The following PRRT1B variants were observed in gnomAD, a reference collection of about 807,000 sequenced individuals.
The protein encoded by PRRT1B is dispanin subfamily D member 2.
intron 1 of PRRT1B, among the ~76,000 whole-genome samples, chr9:131,546,947 T>C (rs1310394168): frequency 2.0e-5 from 3 of 152,026 alleles, no homozygotes; most frequent in Non-Finnish European, 2.9e-5. Flanking sequence ...CCCACGTTTC[T>C]TGCTGGGAGT....
At chr9:131,550,103 A>G (rs1473628883) in intron 1 of PRRT1B, among the ~76,000 whole-genome samples, 3 of 151,894 alleles carry the variant, frequency 2.0e-5, no homozygotes, top group African/African-American at 7.3e-5. Context: ...GCCTGTTATC[A>G]CTCGCCTGCT....
chr9:131,556,025 A>C (rs2132012575), intron 2 of PRRT1B, 45 bp from the exon 3 acceptor site: 1 of 400,180 alleles, frequency 2.5e-6, no homozygotes, highest in Non-Finnish European at 4.4e-6. Context: ...TCTGTTGTCC[A>C]GAGGCTGGGC....
At chr9:131,558,565 G>A (rs1366593804) in exon 4 of PRRT1B, 1 of 183,506 alleles carries the variant, frequency 5.4e-6, no homozygotes, top group African/African-American at 2.3e-5. Context: ...CCATCGTAGG[G>A]ACCAAAGCCT....
At chr9:131,559,015 G>A (rs1002788305), downstream of PRRT1B, among the ~76,000 whole-genome samples, 8 of 152,202 alleles carry the variant, frequency 5.3e-5, no homozygotes, top group Non-Finnish European at 4.4e-5. Context: ...GGACCGCCCT[G>A]ACTGGGGAGC....
At chr9:131,548,717 T>C (rs557555951) in intron 1 of PRRT1B, among the ~76,000 whole-genome samples, 147 of 152,126 alleles carry the variant, frequency 9.7e-4, no homozygotes, top group African/African-American at 3.4e-3. Flanking sequence ...ACCTCTCCCC[T>C]CCTCCCCAGG....
chr9:131,546,509 G>A lies in PRRT1B; in HGVS notation c.25+869G>A, dbSNP rs146120191. Among the ~76,000 whole-genome samples, 691 of 152,006 alleles carry A rather than the reference G, an allele frequency of 4.5e-3. 9 individuals are homozygous for A. The highest frequency in any genetic ancestry group is 0.016 in the African/African-American group (664 of 41,416). Reference sequence around the variant, plus strand: ...CAGTGGGACCCCTGCAGAGTCTCGCGCACTCCCCGCCCCCTCATCCCCCAG... The same window carrying A: ...CAGTGGGACCCCTGCAGAGTCTCGCACACTCCCCGCCCCCTCATCCCCCAG... On this transcript the variant is annotated intron_variant, in intron 1 of 3. Coordinates refer to ENST00000636672, the Ensembl canonical transcript of PRRT1B.
At chr9:131,556,331 G>C (rs943104220) in intron 3 of PRRT1B, 118 bp downstream of exon 3, 5 of 397,610 alleles carry the variant, frequency 1.3e-5, no homozygotes, top group East Asian at 1.1e-4. Context: ...CCCTCTGGAG[G>C]GGGGTGGGAA....
intron 1 of PRRT1B, among the ~76,000 whole-genome samples, chr9:131,547,824 G>A (rs1950985967): frequency 6.6e-6 from 1 of 151,962 alleles, no homozygotes; most frequent in Non-Finnish European, 1.5e-5. Context: ...CCTCAACCTC[G>A]TTCTCCTTTC....
chr9:131,554,381 G>T (rs996719807), intron 1 of PRRT1B, among the ~76,000 whole-genome samples, 176 bp from the exon 2 acceptor site: 1 of 152,190 alleles, frequency 6.6e-6, no homozygotes, highest in Non-Finnish European at 1.5e-5. Context: ...CTCAGTCTGT[G>T]TGACTCCAGC....
intron 1 of PRRT1B, among the ~76,000 whole-genome samples, chr9:131,548,908 T>C (rs908141537): frequency 1.3e-5 from 2 of 152,286 alleles, no homozygotes; most frequent in Admixed American, 6.5e-5. Flanking sequence ...GCTAAAGGCA[T>C]AGTCAAGGTT....
chr9:131,555,003 G>T (rs1951039168), exon 2 of PRRT1B: 1 of 393,346 alleles, frequency 2.5e-6, no homozygotes, highest in South Asian at 1.3e-4. Context: ...CTCGCCGCCC[G>T]CCGGGGCCGC....
At chr9:131,552,539 G>A (rs368211828) in intron 1 of PRRT1B, among the ~76,000 whole-genome samples, 3 of 152,226 alleles carry the variant, frequency 2.0e-5, no homozygotes, top group African/African-American at 7.2e-5. Context: ...GTCAGCCTGC[G>A]TAGTTTCAGG....
At chr9:131,546,046 C>T (rs1477994943) in intron 1 of PRRT1B, among the ~76,000 whole-genome samples, 1 of 152,144 alleles carries the variant, frequency 6.6e-6, no homozygotes, top group Non-Finnish European at 1.5e-5. Flanking sequence ...TTCAGGAGCT[C>T]TGGGGGCGCC....
chr9:131,555,775 C>T (rs974175445), intron 2 of PRRT1B, among the ~76,000 whole-genome samples: 5 of 152,170 alleles, frequency 3.3e-5, no homozygotes, highest in African/African-American at 1.2e-4. Context: ...GGGTGGCGAG[C>T]CCAGTGAGGA....
At chr9:131,549,942 A>G (rs919251150) in intron 1 of PRRT1B, among the ~76,000 whole-genome samples, 39 of 151,948 alleles carry the variant, frequency 2.6e-4, no homozygotes, top group African/African-American at 8.9e-4. Flanking sequence ...CTTCTTCCCA[A>G]CCCAAAGCCT....
In PRRT1B at chr9:131,556,065, C is replaced by G; in HGVS notation, c.499-5C>G. 4 of 401,052 alleles carry G rather than the reference C, an allele frequency of 1.0e-5. No individual in the cohort carries two copies. Among genetic ancestry groups the G allele is most frequent in the Non-Finnish European group, 1.3e-5 (3 of 226,478 alleles). 24.8% of individuals were successfully genotyped at this position (401,052 alleles called of 1,614,324 possible). On this transcript the variant is annotated splice_region_variant and splice_polypyrimidine_tract_variant and intron_variant, in intron 2 of 3. Coordinates refer to ENST00000636672, the Ensembl canonical transcript of PRRT1B. ...TCCCTCACCACTGTGGCTCTGCCCC[C>G]ACAGTACAATGGCCCGATGGCTGGC...
At position 131,554,548 on chromosome 9, in the gene PRRT1B, T is replaced by G. The variant is rs945997100; in HGVS notation, c.26-9T>G. ...CCTCTTGCTCACGACCGCTGCCATTTCTTTCTAGGGTCCGACACGAAAGGG... is the reference window on the plus strand; with the variant it reads ...CCTCTTGCTCACGACCGCTGCCATTGCTTTCTAGGGTCCGACACGAAAGGG... On this transcript the variant is annotated splice_polypyrimidine_tract_variant and intron_variant, in intron 1 of 3. Coordinates refer to ENST00000636672, the Ensembl canonical transcript of PRRT1B. 2.5e-6 allele frequency: 1 copy of G among 394,762 alleles called. No homozygotes were observed. Among genetic ancestry groups the G allele is most frequent in the Non-Finnish European group, 4.5e-6 (1 of 223,418 alleles). The allele number at this position is 394,762 out of a possible 1,614,324, so 24.5% of individuals were successfully genotyped here.
chr9:131,556,641 C>T (rs1044997984), intron 3 of PRRT1B, among the ~76,000 whole-genome samples: 19 of 150,364 alleles, frequency 1.3e-4, no homozygotes, highest in African/African-American at 4.6e-4. Flanking sequence ...CCATCTCTCT[C>T]TTTTTTTTTG....
intron 1 of PRRT1B, among the ~76,000 whole-genome samples, chr9:131,549,030 G>A (rs183134016): frequency 1.3e-5 from 2 of 152,238 alleles, no homozygotes; most frequent in African/African-American, 4.8e-5. Flanking sequence ...GCAACTGTGA[G>A]ATGCTTTACA....
Sources: allele counts gnomAD v4.1 joint callset (sites outside exome capture counted in the v4.1 genomes callset), GRCh38; gene constraint gnomAD v4.1.1; transcripts MANE v1.5; gene names NCBI Gene and HGNC (gene_info 2026-07-23, HGNC 2026-07-21).